GABRB1: variants seen among roughly 807,000 people sequenced by gnomAD.
GABRB1 encodes gamma-aminobutyric acid receptor subunit beta-1.
In GABRB1, 17 loss-of-function variants were observed where a neutral mutation model predicts 51.6. The ratio of observed to expected loss-of-function variants is 0.33; its 90% CI spans 0.23 to 0.49. The LOEUF (loss-of-function observed/expected upper bound fraction) is 0.49. GABRB1 is among the 20% of genes least tolerant of loss of function. GABRB1 has a pLI of 0.99. For synonymous variants in GABRB1, 247 were observed against 218.9 expected, an observed-to-expected ratio of 1.13 and a Z score of -1.14; for missense variants, 410 against 600.6, an observed-to-expected ratio of 0.68 and a Z score of 3.32.
At chr4:47,382,190 G>A (rs1727621079) in intron 5 of GABRB1, among the ~76,000 whole-genome samples, 2 of 152,152 alleles carry the variant, frequency 1.3e-5, no homozygotes, top group Non-Finnish European at 2.9e-5. Flanking sequence ...GCATCTCATA[G>A]CTATAGGCCA....
At chr4:47,173,451 A>G (rs1176161877) in intron 4 of GABRB1, among the ~76,000 whole-genome samples, 3 of 152,216 alleles carry the variant, frequency 2.0e-5, no homozygotes, top group Non-Finnish European at 4.4e-5. Flanking sequence ...GGGCCTGACA[A>G]CTATTCAACA....
At chr4:47,074,830 A>G (rs1390028826) in intron 3 of GABRB1, among the ~76,000 whole-genome samples, 1 of 152,220 alleles carries the variant, frequency 6.6e-6, no homozygotes, top group Non-Finnish European at 1.5e-5. Context: ...ATTTGAAACC[A>G]CTTATCTTTT....
intron 4 of GABRB1, among the ~76,000 whole-genome samples, chr4:47,239,188 A>G (rs1351946791): frequency 1.3e-5 from 2 of 152,202 alleles, no homozygotes. Flanking sequence ...CTCAATCAAG[A>G]TACTGAATAT....
intron 1 of GABRB1, among the ~76,000 whole-genome samples, chr4:47,016,036 G>T (rs186199166): frequency 6.6e-6 from 1 of 152,328 alleles, no homozygotes; most frequent in Admixed American, 6.5e-5. Context: ...GGGCAGAAAA[G>T]CACTGCAGGT....
intron 3 of GABRB1, among the ~76,000 whole-genome samples, chr4:47,080,985 G>A (rs779046453): frequency 6.6e-6 from 1 of 152,166 alleles, no homozygotes; most frequent in Non-Finnish European, 1.5e-5. Context: ...ATCAGGTGGA[G>A]AGATCTTTAT....
Position 47,155,420 on chromosome 4 carries a change from T to C in GABRB1, c.241-5829T>C, listed in dbSNP as rs553504257. ...GCTTTGGTTCTTTCCCCAAAAGATA[T>C]ACACACATATTACAAAAATACATGT... On this transcript the variant is annotated intron_variant, in intron 3 of 8. Coordinates refer to ENST00000295454, the MANE Select transcript of GABRB1 (RefSeq NM_000812.4). Among the ~76,000 whole-genome samples the C allele has an allele frequency of 1.1e-4, 17 of 152,188 alleles. No homozygotes were observed. The South Asian group carries it at 1.7e-3, about 15-fold the overall frequency.
At chr4:47,000,764 G>T (rs1277117686) in intron 1 of GABRB1, among the ~76,000 whole-genome samples, 1 of 152,092 alleles carries the variant, frequency 6.6e-6, no homozygotes, top group Admixed American at 6.5e-5. Flanking sequence ...GATGATCTTG[G>T]GGTAGTAAGA....
rs1560322685 is a variant in GABRB1, at chr4:47,300,698, CA to C, written c.462-19428del. On this transcript the variant is annotated intron_variant, in intron 4 of 8. Transcript: ENST00000295454. ...ATGGGGTACATGAGATATTTTGATA[CA>C]GGCACAAAGACACTTAGTGTGCTTA... Among the ~76,000 whole-genome samples the C allele has an allele frequency of 2.0e-5, 3 of 152,112 alleles. No individual in the cohort carries two copies. The South Asian group carries it at 6.2e-4, about 32-fold the overall frequency.
At chr4:47,295,874 CA>C (rs1439681483) in intron 4 of GABRB1, among the ~76,000 whole-genome samples, 1 of 152,122 alleles carries the variant, frequency 6.6e-6, no homozygotes, top group Non-Finnish European at 1.5e-5. Flanking sequence ...TCGGGTTAAC[CA>C]CAATGGGAAG....
chr4:47,185,467 T>A (rs918992226), intron 4 of GABRB1, among the ~76,000 whole-genome samples: 1 of 151,838 alleles, frequency 6.6e-6, no homozygotes, highest in African/African-American at 2.4e-5. Flanking sequence ...TCACATGCAG[T>A]AATGAATTTA....
intron 3 of GABRB1, among the ~76,000 whole-genome samples, chr4:47,137,961 T>C (rs1019317276): frequency 5.3e-5 from 8 of 152,120 alleles, no homozygotes; most frequent in Non-Finnish European, 1.2e-4. Context: ...TGTATACCCA[T>C]GTAATTGTGA....
intron 4 of GABRB1, among the ~76,000 whole-genome samples, chr4:47,304,340 A>G (rs1199557062): frequency 6.6e-6 from 1 of 152,020 alleles, no homozygotes; most frequent in Non-Finnish European, 1.5e-5. Context: ...TCTAATGGAT[A>G]TGAGGTAATA....
chr4:47,082,096 C>T (rs1201210636), intron 3 of GABRB1, among the ~76,000 whole-genome samples: 2 of 151,806 alleles, frequency 1.3e-5, no homozygotes, highest in Admixed American at 6.6e-5. Context: ...GATAATATTG[C>T]TATGTTTGGC....
intron 3 of GABRB1, among the ~76,000 whole-genome samples, chr4:47,088,198 T>A (rs762041212): frequency 6.6e-6 from 1 of 152,214 alleles, no homozygotes; most frequent in Non-Finnish European, 1.5e-5. Context: ...GACAAACATT[T>A]ATTGAACACT....
chr4:47,144,715 A>G (rs1318231486), intron 3 of GABRB1, among the ~76,000 whole-genome samples: 1 of 151,960 alleles, frequency 6.6e-6, no homozygotes, highest in East Asian at 1.9e-4. Context: ...TTATACTCTC[A>G]TCATGATACT....
intron 3 of GABRB1, among the ~76,000 whole-genome samples, chr4:47,074,076 A>G (rs946172982): frequency 3.3e-5 from 5 of 152,222 alleles, no homozygotes; most frequent in Non-Finnish European, 7.3e-5. Context: ...AATTTTTCTC[A>G]AATATGATTG....
At chr4:47,071,760 A>G (rs1056086998) in intron 3 of GABRB1, among the ~76,000 whole-genome samples, 1 of 151,600 alleles carries the variant, frequency 6.6e-6, no homozygotes, top group Non-Finnish European at 1.5e-5. Flanking sequence ...AGCACCGTGC[A>G]TATGAAGGGC....
At chr4:47,091,731 A>G (rs1728301779) in intron 3 of GABRB1, among the ~76,000 whole-genome samples, 1 of 152,138 alleles carries the variant, frequency 6.6e-6, no homozygotes, top group South Asian at 2.1e-4. Context: ...CCTGCCTTGT[A>G]GTGGATTTTA....
chr4:47,189,089 T>A (rs891925820), intron 4 of GABRB1, among the ~76,000 whole-genome samples: 1 of 151,902 alleles, frequency 6.6e-6, no homozygotes, highest in South Asian at 2.1e-4. Context: ...GGAGCCTAGG[T>A]CTTCCAAGGA....
Sources: gnomAD v4.1 joint callset for allele counts (sites outside exome capture counted in the v4.1 genomes callset) on GRCh38, gnomAD v4.1.1 for gene constraint, MANE v1.5 for transcripts, NCBI Gene and HGNC (gene_info 2026-07-23, HGNC 2026-07-21) for gene names.